Variants in LRIG3 observed in about 807,000 individuals in gnomAD.
LRIG3 encodes leucine-rich repeats and immunoglobulin-like domains protein 3.
LRIG3 carries 76 observed loss-of-function variants against 114.5 expected under a neutral mutation model. The ratio of observed to expected loss-of-function variants is 0.66; its 90% CI spans 0.55 to 0.80. The LOEUF is 0.80. LRIG3 is among the 30% of genes least tolerant of loss of function. The probability of loss-of-function intolerance (pLI) is 0.00; values close to 1 mark genes in which losing one functional copy is unlikely to be tolerated. For synonymous variants in LRIG3, 512 were observed against 519.8 expected, an observed-to-expected ratio of 0.98 and a Z score of 0.20; for missense variants, 1,239 against 1,382.8, an observed-to-expected ratio of 0.90 and a Z score of 1.65.
intron 3 of LRIG3, among the ~76,000 whole-genome samples, chr12:58,899,449 C>A (rs1344283251): frequency 1.3e-5 from 2 of 151,406 alleles, no homozygotes; most frequent in African/African-American, 4.9e-5. Context: ...TTTTTTGGTT[C>A]TTTTTTCTGA....
chr12:58,874,017 A>C (rs2120863777), intron 18 of LRIG3, 38 bp downstream of exon 18: 1 of 1,608,566 alleles, frequency 6.2e-7, no homozygotes, highest in Non-Finnish European at 8.5e-7. Context: ...TGGAGTATGG[A>C]TCCTCAGACG....
intron 7 of LRIG3, 62 bp downstream of exon 7, chr12:58,888,267 G>C: frequency 6.4e-7 from 1 of 1,560,854 alleles, no homozygotes; most frequent in Non-Finnish European, 8.7e-7. Flanking sequence ...GTGGTAAGAA[G>C]CTCATGCCCT....
intron 10 of LRIG3, 64 bp from the exon 11 acceptor site, chr12:58,883,655 G>T: frequency 7.7e-7 from 1 of 1,291,286 alleles, no homozygotes; most frequent in Non-Finnish European, 1.1e-6. Context: ...TTTGGACAAA[G>T]TTTGGGCCCC....
At chr12:58,913,620 G>A (rs551647298) in intron 3 of LRIG3, 30 of 177,488 alleles carry the variant, frequency 1.7e-4, no homozygotes, top group East Asian at 1.3e-3. Flanking sequence ...TAGGAACTAC[G>A]TAATACATAA....
intron 3 of LRIG3, among the ~76,000 whole-genome samples, chr12:58,909,476 G>A (rs536314748): frequency 3.9e-5 from 6 of 152,152 alleles, no homozygotes; most frequent in South Asian, 2.1e-4. Flanking sequence ...AGCCTCAGGC[G>A]TCAGGATAAG....
intron 13 of LRIG3, 55 bp from the exon 14 acceptor site, chr12:58,879,160 T>G (rs1047311983): frequency 1.9e-5 from 28 of 1,504,014 alleles, no homozygotes; most frequent in Non-Finnish European, 2.4e-5. Context: ...ACAGGTTCAC[T>G]TGCATTCCTT....
At chr12:58,887,501 G>A (rs983893963) in intron 8 of LRIG3, among the ~76,000 whole-genome samples, 4 of 152,092 alleles carry the variant, frequency 2.6e-5, no homozygotes, top group African/African-American at 9.7e-5. Flanking sequence ...GAAAAACTTA[G>A]TGGACTTAAA....
chr12:58,887,278 G>A (rs1592298656), intron 8 of LRIG3, among the ~76,000 whole-genome samples: 1 of 152,120 alleles, frequency 6.6e-6, no homozygotes, highest in East Asian at 1.9e-4. Context: ...AGCGAACAGA[G>A]CAAAAGTTTC....
chr12:58,920,185 C>G lies in LRIG3; in HGVS notation c.51G>C (p.Leu17=). The G allele has an allele frequency of 6.6e-7, 1 of 1,514,540 alleles. No homozygotes were observed. Among genetic ancestry groups the G allele is most frequent in the Non-Finnish European group, 8.8e-7 (1 of 1,136,132 alleles). The allele number at this position is 1,514,540 out of a possible 1,614,324, so 93.8% of individuals were successfully genotyped here. The change falls in exon 1 of 19, where the codon CTG becomes CTC. Residue 17 remains leucine (L), a synonymous_variant. Coordinates refer to ENST00000320743, the MANE Select transcript of LRIG3 (RefSeq NM_153377.5). The part of the protein sequence containing the change: ...RARAAGLGLL[L]CAVLGRAGRS... ...GGCCAGCGCGCCCCAGCACCGCGCA[C>G]AGCAGCAGCCCCAACCCCGCGGCGC...
chr12:58,899,210 T>C (rs561401120), intron 3 of LRIG3, among the ~76,000 whole-genome samples: 1 of 152,372 alleles, frequency 6.6e-6, no homozygotes, highest in South Asian at 2.1e-4. Flanking sequence ...ACAGTCCTCA[T>C]AGGACCATCT....
intron 1 of LRIG3, among the ~76,000 whole-genome samples, chr12:58,919,755 T>C (rs546510615): frequency 3.3e-5 from 5 of 152,298 alleles, no homozygotes; most frequent in African/African-American, 1.2e-4. Flanking sequence ...CCCCCAACCC[T>C]GGTCTACCTG....
chr12:58,913,871 T>C (rs1462038043), intron 3 of LRIG3, 111 bp downstream of exon 3: 3 of 921,796 alleles, frequency 3.3e-6, no homozygotes, highest in Non-Finnish European at 4.9e-6. Flanking sequence ...TACTATGCCC[T>C]GAAAAAAATA....
At chr12:58,892,624 T>C (rs189643898) in intron 3 of LRIG3, among the ~76,000 whole-genome samples, 1 of 152,314 alleles carries the variant, frequency 6.6e-6, no homozygotes, top group Admixed American at 6.5e-5. Context: ...AGAAGCAGAA[T>C]TCTCTCTATA....
chr12:58,918,472 C>A (rs1328371349), intron 1 of LRIG3, among the ~76,000 whole-genome samples: 1 of 152,176 alleles, frequency 6.6e-6, no homozygotes, highest in Non-Finnish European at 1.5e-5. Flanking sequence ...TCACAATAGA[C>A]AACTTGACAT....
chr12:58,918,959 TACC>T (rs1872573269), intron 1 of LRIG3, among the ~76,000 whole-genome samples: 1 of 152,234 alleles, frequency 6.6e-6, no homozygotes, highest in South Asian at 2.1e-4. Flanking sequence ...CCAAACCTCC[TACC>T]ACATTAGGGC....
In LRIG3 at chr12:58,903,345, C is replaced by T. The variant is rs12823280; in HGVS notation, c.383+10637G>A. On this transcript the variant is annotated intron_variant, in intron 3 of 18. Coordinates refer to ENST00000320743, the MANE Select transcript of LRIG3 (RefSeq NM_153377.5). Reference sequence around the variant, plus strand: ...AGTGATGATGAGCATTTTTTCATGTCTTTTGGCTGCATAAATGTCTTCTTT... The same window carrying T: ...AGTGATGATGAGCATTTTTTCATGTTTTTTGGCTGCATAAATGTCTTCTTT... Among the ~76,000 whole-genome samples the T allele has an allele frequency of 1.2e-3, 182 of 152,152 alleles. 1 individual carries two copies. Among genetic ancestry groups the T allele is most frequent in the Non-Finnish European group, 2.3e-3 (157 of 67,980 alleles).
Position 58,920,068 on chromosome 12 carries a change from G to A in LRIG3, c.168C>T (p.Asp56=), listed in dbSNP as rs749857729. The A allele has an allele frequency of 6.4e-7, 1 of 1,556,702 alleles. No individual in the cohort carries two copies. Among genetic ancestry groups the A allele is most frequent in the East Asian group, 2.4e-5 (1 of 42,114 alleles). Reference sequence around the variant, plus strand: ...GCCGCTTACGACTGCAGTCCAGCAGGTCCCCGAGGCAGCGGCAGGTAGTGG... The same window carrying A: ...GCCGCTTACGACTGCAGTCCAGCAGATCCCCGAGGCAGCGGCAGGTAGTGG... ...PCPTTCRCLG[D]LLDCSRKRLA... is the part of the protein sequence containing the mutation. Residue 56 remains aspartate, a synonymous_variant, in exon 1 of 19, where the codon GAC becomes GAT. Transcript: ENST00000320743.
At position 58,874,204 on chromosome 12, in the gene LRIG3, G is replaced by A. The variant is rs146588239; in HGVS notation, c.2966C>T (p.Ser989Leu). The stretch of plus-strand genomic sequence containing the variant: ...TAGCTTCCTCACATGTGAAGGCCAC[G>A]ATATATTACTGAAGCTCCGTTCGCA... ...ESCERSFSNI[S>L]WPSHVRKLLN... Residue 989 changes from serine (S) to leucine (L), a missense_variant, in exon 18 of 19, where the codon TCG (serine) becomes TTG (leucine). By Grantham distance (145) the Ser-to-Leu change is moderately radical (BLOSUM62 -2). Transcript: ENST00000320743. 35 of 1,614,082 alleles carry A rather than the reference G, an allele frequency of 2.2e-5. No individual in the cohort carries two copies. In the African/African-American group the frequency reaches 2.9e-4, roughly 14 times the overall value.
At chr12:58,905,402 C>A (rs528922355) in intron 3 of LRIG3, among the ~76,000 whole-genome samples, 24 of 152,138 alleles carry the variant, frequency 1.6e-4, no homozygotes, top group African/African-American at 5.1e-4. Context: ...CATTTAAAAT[C>A]CAATAAAAGA....
Sources: gnomAD v4.1 joint callset for allele counts (sites outside exome capture counted in the v4.1 genomes callset) on GRCh38, gnomAD v4.1.1 for gene constraint, MANE v1.5 for transcripts, NCBI Gene and HGNC (gene_info 2026-07-23, HGNC 2026-07-21) for gene names.